The following UBA2 variants were observed in gnomAD, a reference collection of about 807,000 sequenced individuals.
The protein encoded by UBA2 is SUMO-activating enzyme subunit 2.
In UBA2, 11 loss-of-function variants were observed where a neutral mutation model predicts 77.2. That is an observed-to-expected ratio of 0.14 (90% CI 0.09 to 0.24). The LOEUF is 0.24. Ranked by LOEUF, UBA2 falls within the 10% of genes least tolerant of loss-of-function variation. The pLI is 1.00. For synonymous variants in UBA2, 278 were observed against 276.7 expected, an observed-to-expected ratio of 1.00 and a Z score of -0.05; for missense variants, 487 against 781.7, an observed-to-expected ratio of 0.62 and a Z score of 4.50.
rs116806392 is a variant in UBA2 at position 34,434,847 on chromosome 19, T to C, written c.359-21T>C. On this transcript the variant is annotated intron_variant, in intron 4 of 16. Coordinates refer to ENST00000246548, the MANE Select transcript of UBA2 (RefSeq NM_005499.3). ...TAATTTTTTTTTTCCCAAAAACTCA[T>C]ACTGTTTGTTTTACTTCCAGCTGCC... The C allele has an allele frequency of 6.9e-4, 1,085 of 1,567,650 alleles. 10 individuals are homozygous for C. The African/African-American group carries it at 0.013, about 19-fold the overall frequency.
intron 5 of UBA2, 147 bp downstream of exon 5, chr19:34,435,115 G>C: frequency 1.6e-6 from 1 of 607,426 alleles, no homozygotes; most frequent in Non-Finnish European, 2.8e-6. Flanking sequence ...TTAAAATGCG[G>C]GGCCAGGTGC....
rs752209821 is a variant in UBA2 at position 34,452,001 on chromosome 19, G to T, written c.892G>T (p.Asp298Tyr). ...QSQGEETNAS[D>Y]QQNEPQLGLK... ...TTTAGGAGAAGAAACGAATGCATCA[G>T]ATCAACAGAATGAACCCCAGTTAGG... is the stretch of plus-strand genomic sequence containing the variant. The change falls in exon 10 of 17, where the codon GAT (aspartate) becomes TAT (tyrosine). Residue 298 changes from aspartate to tyrosine, a missense_variant. By Grantham distance (160) the Asp-to-Tyr change is radical. Around this residue, in one of 9 missense-constraint regions of UBA2, gnomAD observed 300 missense variants for 454.3 expected, o/e 0.66. Transcript: ENST00000246548. 6.3e-7 allele frequency: 1 copy of T among 1,587,188 alleles called. No homozygotes were observed. The highest frequency in any genetic ancestry group is 8.6e-7 in the Non-Finnish European group (1 of 1,166,512).
intron 6 of UBA2, 88 bp downstream of exon 6, chr19:34,438,854 C>G: frequency 1.3e-6 from 2 of 1,506,040 alleles, no homozygotes; most frequent in Middle Eastern, 3.6e-4. Context: ...AGAGATTGAA[C>G]TCAGGATGTT....
intron 15 of UBA2, among the ~76,000 whole-genome samples, chr19:34,466,434 C>T (rs1180690700): frequency 6.6e-6 from 1 of 152,172 alleles, no homozygotes; most frequent in East Asian, 1.9e-4. Context: ...TTTAGGCCAC[C>T]AAGCTTTGGA....
At chr19:34,454,112 C>A in intron 10 of UBA2, 148 bp from the exon 11 acceptor site, 1 of 690,396 alleles carries the variant, frequency 1.4e-6, no homozygotes, top group Non-Finnish European at 2.5e-6. Flanking sequence ...ACTGTGAGGT[C>A]CTAGCTGACT....
chr19:34,441,740 G>C (rs1402694822), intron 6 of UBA2, among the ~76,000 whole-genome samples: 1 of 151,856 alleles, frequency 6.6e-6, no homozygotes, highest in East Asian at 1.9e-4. Context: ...GGGCAACATG[G>C]CGAAACCCTG....
Position 34,467,226 on chromosome 19 carries a change from G to C in UBA2, c.1741+212G>C, listed in dbSNP as rs1027610545. The C allele has an allele frequency of 2.3e-5, 12 of 513,436 alleles. No homozygotes were observed. In the South Asian group the frequency reaches 3.6e-4, roughly 16 times the overall value. The allele number at this position is 513,436 out of a possible 1,614,324, so 31.8% of individuals were successfully genotyped here. A position where few individuals can be genotyped will look rare whatever the true frequency, so the allele number is the denominator to read the frequency against. On this transcript the variant is annotated intron_variant, in intron 16 of 16. Coordinates refer to ENST00000246548, the MANE Select transcript of UBA2 (RefSeq NM_005499.3). Reference sequence around the variant, plus strand: ...CTTACACCTGTAATCCCAGCACTTTGAGAGGCCAAGATGGGAGTATTACTT... The same window carrying C: ...CTTACACCTGTAATCCCAGCACTTTCAGAGGCCAAGATGGGAGTATTACTT...
chr19:34,446,452 C>T (rs1470733234), intron 8 of UBA2, among the ~76,000 whole-genome samples: 2 of 152,082 alleles, frequency 1.3e-5, no homozygotes, highest in African/African-American at 4.8e-5. Flanking sequence ...CGTCTCTGTC[C>T]TGTGTCTCGG....
At chr19:34,439,495 T>A (rs1466473065) in intron 6 of UBA2, among the ~76,000 whole-genome samples, 1 of 152,150 alleles carries the variant, frequency 6.6e-6, no homozygotes, top group Non-Finnish European at 1.5e-5. Flanking sequence ...TTACTAAGAA[T>A]CCAATTTAAG....
chr19:34,435,082 G>A (rs1474025449), intron 5 of UBA2, 114 bp downstream of exon 5: 10 of 747,368 alleles, frequency 1.3e-5, no homozygotes, highest in African/African-American at 1.8e-5. Flanking sequence ...CAAAATGTAA[G>A]GACTTTTATG....
Position 34,428,507 on chromosome 19 carries a change from G to C in UBA2, c.75G>C (p.Ala25=). The C allele has an allele frequency of 7.7e-7, 1 of 1,303,000 alleles. No homozygotes were observed. 80.7% of individuals were successfully genotyped at this position (1,303,000 alleles called of 1,614,324 possible). A position where few individuals can be genotyped will look rare whatever the true frequency, so the allele number is the denominator to read the frequency against. ...GGGGCCGGGTGCTGGTGGTGGGGGC[G>C]GGCGGCATCGGCTGCGAGCTCCTCA... ...VAGGRVLVVG[A]GGIGCELLKN... Residue 25 remains alanine (A), a synonymous_variant, in exon 1 of 17, where the codon GCG becomes GCC. Coordinates refer to ENST00000246548, the MANE Select transcript of UBA2 (RefSeq NM_005499.3).
chr19:34,433,919 C>G (rs371206459), intron 4 of UBA2, among the ~76,000 whole-genome samples: 1 of 152,150 alleles, frequency 6.6e-6, no homozygotes, highest in Non-Finnish European at 1.5e-5. Context: ...GATCACACCA[C>G]TACACTCCAG....
chr19:34,466,223 G>A (rs10426648), intron 15 of UBA2, among the ~76,000 whole-genome samples: 10,693 of 151,952 alleles, frequency 0.07, 1,243 homozygotes, highest in African/African-American at 0.24. Flanking sequence ...AGTCCCAGCT[G>A]CTTGGGAGGC....
At chr19:34,444,062 T>TTTTTTTTTG (rs2075401071) in intron 7 of UBA2, 151 bp downstream of exon 7, 6 of 463,080 alleles carry the variant, frequency 1.3e-5, no homozygotes, top group South Asian at 2.5e-5. Context: ...TTTTTTTTTT[T>TTTTTTTTTG]TTTTTTGTCT....
chr19:34,435,060 C>T (rs1383498556), intron 5 of UBA2, 92 bp downstream of exon 5: 2 of 912,398 alleles, frequency 2.2e-6, no homozygotes, highest in East Asian at 2.8e-5. Flanking sequence ...ATAAAATGAA[C>T]AGGTGAACAT....
chr19:34,448,167 C>T (rs145540154), intron 8 of UBA2, among the ~76,000 whole-genome samples: 183 of 152,222 alleles, frequency 1.2e-3, no homozygotes, highest in Non-Finnish European at 2.2e-3. Flanking sequence ...ATATTATAAC[C>T]AATCTGGGAC....
At chr19:34,467,222 C>T in intron 16 of UBA2, 1 of 531,090 alleles carries the variant, frequency 1.9e-6, no homozygotes, top group Non-Finnish European at 3.2e-6. Context: ...AATCCCAGCA[C>T]TTTGAGAGGC....
At position 34,470,464 on chromosome 19, in the gene UBA2, CAT is replaced by C. The variant is rs143629309; in HGVS notation, c.*1245_*1246del. 6.8e-4 allele frequency: 103 copies of C among 152,310 alleles called. No individual in the cohort carries two copies. Among genetic ancestry groups the C allele is most frequent in the African/African-American group, 2.3e-3 (94 of 41,562 alleles). The allele number at this position is 152,310 out of a possible 1,614,324, so 9.4% of individuals were successfully genotyped here. On this transcript the variant is annotated 3_prime_UTR_variant, in exon 17 of 17. Transcript: ENST00000246548. ...AGAAGTTCAAGGCCAGCCTGGGTAA[CAT>C]AGCAAGACCCTGTCTCTAAAAAATA...
intron 9 of UBA2, 122 bp downstream of exon 9, chr19:34,450,486 A>G: frequency 1.7e-6 from 1 of 598,852 alleles, no homozygotes; most frequent in Non-Finnish European, 2.7e-6. Flanking sequence ...GTGCAAAAAA[A>G]TATGAAGAAC....
Sources: gnomAD v4.1 joint callset for allele counts (sites outside exome capture counted in the v4.1 genomes callset) on GRCh38, gnomAD v4.1.1 for gene constraint, gnomAD v4.1.1 regional missense constraint, MANE v1.5 for transcripts, NCBI Gene and HGNC (gene_info 2026-07-23, HGNC 2026-07-21) for gene names.